The following EVA1A variants were observed in gnomAD, a reference collection of about 807,000 sequenced individuals.
EVA1A encodes eva-1 homolog A, regulator of programmed cell death.
A neutral mutation model predicts 9.8 loss-of-function variants in EVA1A; 7 were observed. The ratio of observed to expected loss-of-function variants is 0.71; its 90% CI spans 0.41 to 1.34. The LOEUF (loss-of-function observed/expected upper bound fraction) is 1.34. Ranked by LOEUF, EVA1A falls within the 40% of genes most tolerant of loss-of-function variation. The pLI is 0.01. For synonymous variants in EVA1A, 90 were observed against 85.6 expected (o/e 1.05, Z -0.28); for missense variants, 206 against 205.9 (o/e 1.00, Z 0.00).
chr2:75,551,707 A>G (rs1429242582), intron 1 of EVA1A, among the ~76,000 whole-genome samples: 2 of 152,366 alleles, frequency 1.3e-5, no homozygotes, highest in East Asian at 3.9e-4. Context: ...TCAGCTGTAA[A>G]ATAGGTAAAA....
chr2:75,522,706 A>G (rs1249916167), intron 1 of EVA1A, among the ~76,000 whole-genome samples: 1 of 152,234 alleles, frequency 6.6e-6, no homozygotes, highest in Non-Finnish European at 1.5e-5. Context: ...TCCCAGGGTC[A>G]TACCAGAAAG....
intron 1 of EVA1A, among the ~76,000 whole-genome samples, chr2:75,551,091 C>T (rs902254346): frequency 1.3e-5 from 2 of 152,092 alleles, no homozygotes; most frequent in Non-Finnish European, 2.9e-5. Flanking sequence ...CCACACATTC[C>T]AGCCTGGGCG....
rs77729933 is a variant in EVA1A, at chr2:75,518,117, G to T, written c.24C>A (p.Ser8Arg). The part of the protein sequence containing the change: MRLPLSH[S>R]PEHVEMALLS... The stretch of plus-strand genomic sequence containing the variant: ...GCAAAGCCATCTCCACGTGCTCTGG[G>T]CTGTGGCTGAGGGGCAGCCTCATGG... The change falls in exon 3 of 4, where the codon AGC becomes AGA. Residue 8 changes from serine to arginine, a missense_variant. Physicochemically the swap from Ser to Arg is moderately radical, Grantham distance 110. Transcript: ENST00000393913. 174 of 1,614,110 alleles carry T rather than the reference G, an allele frequency of 1.1e-4. No individual in the cohort carries two copies. Among genetic ancestry groups the T allele is most frequent in the Non-Finnish European group, 1.2e-4 (147 of 1,179,988 alleles).
chr2:75,517,649 A>G (rs1163193748), intron 3 of EVA1A, among the ~76,000 whole-genome samples: 1 of 152,046 alleles, frequency 6.6e-6, no homozygotes, highest in Non-Finnish European at 1.5e-5. Context: ...ACATATAAAC[A>G]TATACTCTCT....
At chr2:75,550,342 A>G (rs1676478597) in intron 1 of EVA1A, among the ~76,000 whole-genome samples, 1 of 152,132 alleles carries the variant, frequency 6.6e-6, no homozygotes, top group Non-Finnish European at 1.5e-5. Flanking sequence ...CCCTTTGCTC[A>G]GAGAAGCAGG....
intron 1 of EVA1A, among the ~76,000 whole-genome samples, chr2:75,556,123 G>A (rs940698290): frequency 6.6e-6 from 1 of 152,180 alleles, no homozygotes; most frequent in Non-Finnish European, 1.5e-5. Flanking sequence ...ACAGAGCTAC[G>A]TATTGCACGT....
chr2:75,555,425 T>C (rs2103982044), intron 1 of EVA1A, among the ~76,000 whole-genome samples: 1 of 151,704 alleles, frequency 6.6e-6, no homozygotes, highest in South Asian at 2.1e-4. Flanking sequence ...ATACAGACTT[T>C]TGGATGCTCT....
intron 3 of EVA1A, among the ~76,000 whole-genome samples, chr2:75,498,612 A>G (rs1674298289): frequency 1.3e-5 from 2 of 152,226 alleles, no homozygotes; most frequent in Admixed American, 1.3e-4. Flanking sequence ...TAATTTTTTT[A>G]AATCTAGCAA....
chr2:75,538,497 A>C (rs1434318365), intron 1 of EVA1A, among the ~76,000 whole-genome samples: 1 of 152,258 alleles, frequency 6.6e-6, no homozygotes, highest in African/African-American at 2.4e-5. Flanking sequence ...AGCATGTTGT[A>C]TAAATGAGAG....
chr2:75,496,616 T>G (rs1252293602), intron 3 of EVA1A, among the ~76,000 whole-genome samples: 1 of 152,132 alleles, frequency 6.6e-6, no homozygotes, highest in African/African-American at 2.4e-5. Flanking sequence ...CCAAAGCAAT[T>G]TACAGATTCA....
chr2:75,548,979 G>GAAAAA (rs150555298), intron 1 of EVA1A, among the ~76,000 whole-genome samples: 5 of 130,172 alleles, frequency 3.8e-5, no homozygotes, highest in African/African-American at 9.0e-5. Flanking sequence ...CTGGCTAAAT[G>GAAAAA]AAAAATATAT....
intron 2 of EVA1A, 137 bp from the exon 3 acceptor site, chr2:75,518,345 A>T (rs1675090169): frequency 2.1e-6 from 2 of 973,750 alleles, no homozygotes; most frequent in Non-Finnish European, 2.9e-6. Flanking sequence ...GAAACTACAG[A>T]CCCTCTCTGG....
intron 3 of EVA1A, among the ~76,000 whole-genome samples, chr2:75,512,403 G>A (rs951655252): frequency 2.0e-5 from 3 of 152,136 alleles, no homozygotes; most frequent in African/African-American, 7.2e-5. Context: ...AGGTGGGGTA[G>A]ATTGAGGAGA....
intron 1 of EVA1A, among the ~76,000 whole-genome samples, chr2:75,544,484 C>T (rs1412934682): frequency 6.6e-6 from 1 of 152,156 alleles, no homozygotes; most frequent in African/African-American, 2.4e-5. Flanking sequence ...CATTCTATTA[C>T]TGCTTCTCTT....
At chr2:75,514,387 C>A (rs188191176) in intron 3 of EVA1A, among the ~76,000 whole-genome samples, 4 of 152,150 alleles carry the variant, frequency 2.6e-5, no homozygotes, top group Admixed American at 6.5e-5. Context: ...ATAGCACAAC[C>A]AAATAGTTAT....
upstream of EVA1A, among the ~76,000 whole-genome samples, chr2:75,565,631 C>A (rs1572999997): frequency 6.6e-6 from 1 of 152,190 alleles, no homozygotes; most frequent in Non-Finnish European, 1.5e-5. Context: ...CACTATGGCA[C>A]TGCTATTTAC....
At chr2:75,550,409 G>C (rs985079227) in intron 1 of EVA1A, among the ~76,000 whole-genome samples, 2 of 152,232 alleles carry the variant, frequency 1.3e-5, no homozygotes, top group South Asian at 4.2e-4. Flanking sequence ...CTATGGTCTA[G>C]GTCCTCTTCC....
chr2:75,564,424 G>A (rs17011464), upstream of EVA1A, among the ~76,000 whole-genome samples: 1,309 of 152,328 alleles, frequency 8.6e-3, 13 homozygotes, highest in African/African-American at 0.024. Context: ...CTCAGTGTGA[G>A]CAGCCTTGCA....
chr2:75,526,127 T>C (rs1209721326), intron 1 of EVA1A: 1 of 152,238 alleles, frequency 6.6e-6, no homozygotes, highest in Non-Finnish European at 1.5e-5. Flanking sequence ...TGCCCAATGA[T>C]TGACTCATAG....
Sources: allele counts gnomAD v4.1 joint callset (sites outside exome capture counted in the v4.1 genomes callset), GRCh38; gene constraint gnomAD v4.1.1; transcripts MANE v1.5; gene names NCBI Gene and HGNC (gene_info 2026-07-23, HGNC 2026-07-21).